LONRF2: variants seen among roughly 807,000 people sequenced by gnomAD.
LONRF2 encodes LON peptidase N-terminal domain and RING finger protein 2.
LONRF2 carries 35 observed loss-of-function variants against 66.6 expected under a neutral mutation model. The ratio of observed to expected loss-of-function variants is 0.53; its 90% CI spans 0.40 to 0.70. The LOEUF (loss-of-function observed/expected upper bound fraction) is 0.70, where lower values mean the gene tolerates loss of function less well. Ranked by LOEUF, LONRF2 falls within the 30% of genes least tolerant of loss-of-function variation. The probability of loss-of-function intolerance (pLI) is 0.00; values close to 1 mark genes in which losing one functional copy is unlikely to be tolerated. For synonymous variants in LONRF2, 417 were observed against 418.1 expected (o/e 1.00, Z 0.03); for missense variants, 902 against 1,002.1 (o/e 0.90, Z 1.35).
At position 100,295,557 on chromosome 2, in the gene LONRF2, T is replaced by C. The variant is rs963332056; in HGVS notation, c.1477-4A>G. 2.5e-6 allele frequency: 4 copies of C among 1,609,262 alleles called. No homozygotes were observed. The highest frequency in any genetic ancestry group is 1.7e-5 in the Admixed American group (1 of 58,912). The stretch of plus-strand genomic sequence containing the variant: ...TAAAGTTTCTGCTTGCCAATAACTG[T>C]AACAAAAAAAAGTCAAATGATACTG... On this transcript the variant is annotated splice_region_variant and splice_polypyrimidine_tract_variant and intron_variant, in intron 7 of 11. Transcript: ENST00000393437.
chr2:100,322,010 C>T lies in LONRF2; in HGVS notation c.84G>A (p.Glu28=), dbSNP rs1049661336. The change falls in exon 1 of 12, where the codon GAG becomes GAA. Residue 28 remains glutamate (E), a synonymous_variant. Transcript: ENST00000393437. ...DRAEPIAQRL[E]EGDEAFRAGD... ...CCGCGCGGAAGGCCTCGTCGCCCTC[C>T]TCTAAGCGCTGGGCGATCGGCTCCG... 15 of 1,433,116 alleles carry T rather than the reference C, an allele frequency of 1.0e-5. No homozygotes were observed. The African/African-American group carries it at 2.2e-4, about 21-fold the overall frequency. 88.8% of individuals were successfully genotyped at this position (1,433,116 alleles called of 1,614,324 possible). A position where few individuals can be genotyped will look rare whatever the true frequency, so the allele number is the denominator to read the frequency against.
chr2:100,304,669 G>A (rs72821168), intron 2 of LONRF2, among the ~76,000 whole-genome samples: 5,321 of 137,590 alleles, frequency 0.039, 152 homozygotes, highest in Non-Finnish European at 0.054. Flanking sequence ...GCTCGTCCAG[G>A]CTGGCGTGCA....
At chr2:100,303,724 C>T (rs1307674002) in intron 2 of LONRF2, among the ~76,000 whole-genome samples, 1 of 152,106 alleles carries the variant, frequency 6.6e-6, no homozygotes, top group South Asian at 2.1e-4. Flanking sequence ...CATTCCATGT[C>T]ATTTTTCTTT....
intron 9 of LONRF2, among the ~76,000 whole-genome samples, chr2:100,291,205 C>T (rs1438750882): frequency 1.3e-5 from 2 of 151,922 alleles, no homozygotes; most frequent in East Asian, 3.9e-4. Context: ...TTGCCAATGA[C>T]CTTGTGTGGG....
chr2:100,292,865 CT>C, intron 9 of LONRF2, among the ~76,000 whole-genome samples: 1 of 152,176 alleles, frequency 6.6e-6, no homozygotes. Flanking sequence ...TAAGGTAAAG[CT>C]TTTTCCCCCC....
At chr2:100,310,847 T>C (rs558282306) in intron 1 of LONRF2, among the ~76,000 whole-genome samples, 3 of 152,348 alleles carry the variant, frequency 2.0e-5, no homozygotes, top group East Asian at 3.9e-4. Context: ...GACAGATTTC[T>C]TATTGACGCA....
chr2:100,291,240 G>A (rs1425070271), intron 9 of LONRF2, among the ~76,000 whole-genome samples: 1 of 152,072 alleles, frequency 6.6e-6, no homozygotes, highest in Admixed American at 6.5e-5. Flanking sequence ...CAGGTCTGGA[G>A]AGCTGCACTC....
chr2:100,316,314 A>C (rs1675504744), intron 1 of LONRF2, among the ~76,000 whole-genome samples: 2 of 57,032 alleles, frequency 3.5e-5, no homozygotes, highest in South Asian at 1.9e-3. Flanking sequence ...GCGAGACTCC[A>C]TCTCAAAAAA....
At chr2:100,298,736 C>CT (rs977518304) in intron 7 of LONRF2, 100 bp downstream of exon 7, 2 of 792,832 alleles carry the variant, frequency 2.5e-6, no homozygotes, top group East Asian at 5.0e-5. Flanking sequence ...ATCTCAGTTT[C>CT]TTTAACAACT....
chr2:100,277,025 C>T lies in LONRF2; in HGVS notation c.*7273G>A, dbSNP rs1674615269. 1 of 152,252 alleles carries T rather than the reference C, an allele frequency of 6.6e-6. No individual in the cohort carries two copies. The highest frequency in any genetic ancestry group is 1.5e-5 in the Non-Finnish European group (1 of 68,052). The allele number at this position is 152,252 out of a possible 1,614,324, so 9.4% of individuals were successfully genotyped here. A position where few individuals can be genotyped will look rare whatever the true frequency, so the allele number is the denominator to read the frequency against. On this transcript the variant is annotated 3_prime_UTR_variant, in exon 12 of 12. Transcript: ENST00000393437. Reference sequence around the variant, plus strand: ...AACATCTTTAGATACTTTCGAGGTTCTGATGGCAATGTAGTCCTCATTTAC... The same window carrying T: ...AACATCTTTAGATACTTTCGAGGTTTTGATGGCAATGTAGTCCTCATTTAC...
Position 100,281,763 on chromosome 2 carries a change from A to G in LONRF2, c.*2535T>C, listed in dbSNP as rs546383714. 3.9e-5 allele frequency: 6 copies of G among 152,328 alleles called. No individual in the cohort carries two copies. The highest frequency in any genetic ancestry group is 1.4e-4 in the African/African-American group (6 of 41,574). The allele number at this position is 152,328 out of a possible 1,614,324, so 9.4% of individuals were successfully genotyped here. A position where few individuals can be genotyped will look rare whatever the true frequency, so the allele number is the denominator to read the frequency against. ...GTCCTGACATTGAATGAGAGATTAC[A>G]TTATTTTCTGAGAAATCCTTAGAAT... On this transcript the variant is annotated 3_prime_UTR_variant, in exon 12 of 12. Coordinates refer to ENST00000393437, the MANE Select transcript of LONRF2 (RefSeq NM_198461.4).
chr2:100,316,434 A>G (rs928593831), intron 1 of LONRF2, among the ~76,000 whole-genome samples: 5 of 146,302 alleles, frequency 3.4e-5, no homozygotes, highest in African/African-American at 5.5e-5. Context: ...GATTCATTTT[A>G]CCCATCATTA....
rs969393969 is a variant in LONRF2 at position 100,272,653 on chromosome 2, A to T, written c.*11645T>A. ...TTTGTAGAGTGTTATGCTGTTTTAAATATTGTAATTTATGCCTCTAAAAAT... is the reference window on the plus strand; with the variant it reads ...TTTGTAGAGTGTTATGCTGTTTTAATTATTGTAATTTATGCCTCTAAAAAT... On this transcript the variant is annotated 3_prime_UTR_variant, in exon 12 of 12. Transcript: ENST00000393437. Among the ~76,000 whole-genome samples the T allele has an allele frequency of 6.6e-6, 1 of 152,192 alleles. No homozygotes were observed. Among genetic ancestry groups the T allele is most frequent in the African/African-American group, 2.4e-5 (1 of 41,452 alleles).
At chr2:100,288,586 G>A (rs1249226213) in intron 10 of LONRF2, among the ~76,000 whole-genome samples, 1 of 152,178 alleles carries the variant, frequency 6.6e-6, no homozygotes, top group Non-Finnish European at 1.5e-5. Flanking sequence ...AAACCAGATA[G>A]ACATTTCCAC....
chr2:100,299,559 A>G (rs990842060), intron 5 of LONRF2, among the ~76,000 whole-genome samples, 158 bp downstream of exon 5: 16 of 152,230 alleles, frequency 1.1e-4, no homozygotes, highest in Admixed American at 1.3e-4. Flanking sequence ...AAGTCTTTGC[A>G]GTATAAAACA....
At chr2:100,298,753 G>T in intron 7 of LONRF2, 83 bp downstream of exon 7, 1 of 952,524 alleles carries the variant, frequency 1.0e-6, no homozygotes, top group Non-Finnish European at 1.7e-6. Context: ...AACTGGGTGG[G>T]GGAAGCAACA....
chr2:100,276,456 T>C lies in LONRF2; in HGVS notation c.*7842A>G, dbSNP rs577479440. ...AACACAGACACTCTAATAAAACAAATAATAAATTAAAATTAAAGTCAGTCT... is the reference window on the plus strand; with the variant it reads ...AACACAGACACTCTAATAAAACAAACAATAAATTAAAATTAAAGTCAGTCT... On this transcript the variant is annotated 3_prime_UTR_variant, in exon 12 of 12. Transcript: ENST00000393437. 2 of 152,238 alleles carry C rather than the reference T, an allele frequency of 1.3e-5. No homozygotes were observed. Among genetic ancestry groups the C allele is most frequent in the Non-Finnish European group, 2.9e-5 (2 of 68,028 alleles). 9.4% of individuals were successfully genotyped at this position (152,238 alleles called of 1,614,324 possible).
Position 100,300,693 on chromosome 2 carries a change from T to C in LONRF2, c.1016A>G (p.His339Arg). The C allele has an allele frequency of 1.9e-6, 3 of 1,613,770 alleles. No homozygotes were observed. Among genetic ancestry groups the C allele is most frequent in the Non-Finnish European group, 2.5e-6 (3 of 1,179,914 alleles). Residue 339 changes from histidine to arginine, a missense_variant, in exon 4 of 12, where the codon CAC becomes CGC. This residue lies in a region of LONRF2 where 585 missense variants were observed against 569.9 expected (regional missense o/e 1.03). Coordinates refer to ENST00000393437, the MANE Select transcript of LONRF2 (RefSeq NM_198461.4). ...QSRLKAQGHSHMNAQALLEEG... is the reference protein window; with the variant it reads ...QSRLKAQGHSRMNAQALLEEG... ...TTCCAGCAGAGCCTGGGCATTCATG[T>C]GGCTGTGACCCTGAGCCTTTAATCT... is the stretch of plus-strand genomic sequence containing the variant.
chr2:100,302,464 T>C (rs1046513052), intron 3 of LONRF2, among the ~76,000 whole-genome samples: 8 of 152,224 alleles, frequency 5.3e-5, no homozygotes, highest in African/African-American at 9.6e-5. Context: ...AACTATTGTA[T>C]AAGCTTTTTA....
Sources: gnomAD v4.1 joint callset for allele counts (sites outside exome capture counted in the v4.1 genomes callset) on GRCh38, gnomAD v4.1.1 for gene constraint, gnomAD v4.1.1 regional missense constraint, MANE v1.5 for transcripts, NCBI Gene and HGNC (gene_info 2026-07-23, HGNC 2026-07-21) for gene names.